The following DHX32 variants were observed in gnomAD, a reference collection of about 807,000 sequenced individuals.
DHX32 encodes the protein DEAH-box helicase 32 (putative), also known as putative pre-mRNA-splicing factor ATP-dependent RNA helicase DHX32.
In DHX32, 51 loss-of-function variants were observed where a neutral mutation model predicts 70.0. The observed-to-expected ratio is 0.73, with a 90% CI of 0.58 to 0.92. DHX32 has a LOEUF of 0.92. Among genes scored for constraint, DHX32 ranks in the 40% least tolerant of loss-of-function variants. The pLI, the probability that DHX32 is intolerant of heterozygous loss-of-function variation, is 0.00. For synonymous variants in DHX32, 310 were observed against 315.3 expected (o/e 0.98, Z 0.18); for missense variants, 762 against 891.8 (o/e 0.85, Z 1.85).
chr10:125,838,081 T>A (rs1854753768), intron 10 of DHX32, 125 bp downstream of exon 10: 3 of 872,396 alleles, frequency 3.4e-6, no homozygotes, highest in Non-Finnish European at 5.1e-6. Flanking sequence ...GTAGGTACTG[T>A]CAACGTAAAT....
intron 1 of DHX32, among the ~76,000 whole-genome samples, chr10:125,895,257 A>C (rs1318442999): frequency 1.3e-5 from 2 of 152,154 alleles, no homozygotes; most frequent in African/African-American, 4.8e-5. Flanking sequence ...CTTGTCATCC[A>C]TGGAGTGGAA....
chr10:125,877,568 T>G (rs533128528), intron 1 of DHX32, among the ~76,000 whole-genome samples: 8 of 152,262 alleles, frequency 5.3e-5, no homozygotes, highest in African/African-American at 1.4e-4. Flanking sequence ...ATGCCTGTAA[T>G]CCCAGCTACT....
At chr10:125,847,413 C>A (rs1049499701) in intron 6 of DHX32, among the ~76,000 whole-genome samples, 1 of 152,196 alleles carries the variant, frequency 6.6e-6, no homozygotes, top group Non-Finnish European at 1.5e-5. Context: ...ATAATGCATT[C>A]TATAACAGAG....
chr10:125,859,505 A>T, intron 3 of DHX32, 98 bp downstream of exon 3: 1 of 1,336,608 alleles, frequency 7.5e-7, no homozygotes, highest in Non-Finnish European at 1.0e-6. Flanking sequence ...CCAAATATTT[A>T]AACAGTTAAT....
chr10:125,896,061 C>A (rs1374100527), intron 1 of DHX32, among the ~76,000 whole-genome samples: 13 of 152,202 alleles, frequency 8.5e-5, no homozygotes, highest in African/African-American at 3.1e-4. Context: ...CCGCCCTCGG[C>A]GTTTCGGAGT....
chr10:125,879,805 C>A (rs1645734933), intron 1 of DHX32, among the ~76,000 whole-genome samples: 2 of 152,156 alleles, frequency 1.3e-5, no homozygotes, highest in Admixed American at 6.5e-5. Flanking sequence ...GCATGCAGCA[C>A]CATGCCCGGC....
At chr10:125,872,352 A>G (rs1051521224) in intron 1 of DHX32, among the ~76,000 whole-genome samples, 17 of 152,218 alleles carry the variant, frequency 1.1e-4, no homozygotes, top group Admixed American at 7.9e-4. Context: ...TATGGGAATT[A>G]GAAAAGCTTA....
At chr10:125,850,354 C>CTTTTT (rs765077777) in intron 6 of DHX32, among the ~76,000 whole-genome samples, 23 of 124,530 alleles carry the variant, frequency 1.8e-4, no homozygotes, top group African/African-American at 3.1e-4. Flanking sequence ...TTCTTTCTTT[C>CTTTTT]TTTTTTTTTT....
upstream of DHX32, among the ~76,000 whole-genome samples, chr10:125,883,120 T>A (rs920989327): frequency 3.9e-5 from 6 of 152,356 alleles, no homozygotes; most frequent in Admixed American, 1.3e-4. Flanking sequence ...TATAAAGCAC[T>A]GACCACTTTG....
In DHX32 at chr10:125,878,579, GTTTT is replaced by G. The variant is rs373374904; in HGVS notation, c.282+1960_282+1963del. ...GAGGCATACATATTAATACACTTCT[GTTTT>G]TCTTCTGTTAATTTGTCTTTTGTTA... On this transcript the variant is annotated intron_variant, in intron 1 of 10. Coordinates refer to ENST00000284690, the MANE Select transcript of DHX32 (RefSeq NM_018180.3). Among the ~76,000 whole-genome samples, 48 of 152,154 alleles carry G rather than the reference GTTTT, an allele frequency of 3.2e-4. No individual in the cohort carries two copies. In the South Asian group the frequency reaches 9.6e-3, roughly 30 times the overall value.
In DHX32 at chr10:125,859,344, C is replaced by A. The variant is rs527332961; in HGVS notation, c.849+259G>T. Among the ~76,000 whole-genome samples the A allele has an allele frequency of 2.5e-4, 38 of 152,326 alleles. No individual in the cohort carries two copies. The East Asian group carries it at 3.5e-3, about 14-fold the overall frequency. ...CAGCTGTGCCTTTGGGGCAGCCACT[C>A]TCTGGCCTGAGCCTGCTGGAGGGAA... is the stretch of plus-strand genomic sequence containing the variant. On this transcript the variant is annotated intron_variant, in intron 3 of 10. Coordinates refer to ENST00000284690, the MANE Select transcript of DHX32 (RefSeq NM_018180.3).
chr10:125,843,505 G>A (rs1020274404), intron 6 of DHX32, among the ~76,000 whole-genome samples: 9 of 152,048 alleles, frequency 5.9e-5, no homozygotes, highest in African/African-American at 1.2e-4. Context: ...CCAGCTACTC[G>A]GGAGGTTGAG....
intron 1 of DHX32, among the ~76,000 whole-genome samples, chr10:125,877,215 G>A (rs537042873): frequency 1.3e-5 from 2 of 152,242 alleles, no homozygotes; most frequent in Non-Finnish European, 2.9e-5. Flanking sequence ...CAGAAACTAG[G>A]AAAATTATAC....
At chr10:125,896,183 C>T in intron 1 of DHX32, 1 of 157,414 alleles carries the variant, frequency 6.4e-6, no homozygotes, top group Non-Finnish European at 1.4e-5. Flanking sequence ...TGCGCCGACC[C>T]CCGACCCCTT....
chr10:125,856,587 A>T (rs949315987), intron 3 of DHX32, among the ~76,000 whole-genome samples: 1 of 152,204 alleles, frequency 6.6e-6, no homozygotes, highest in East Asian at 1.9e-4. Flanking sequence ...CCTAAGGCAA[A>T]TGCACTGCCG....
intron 2 of DHX32, among the ~76,000 whole-genome samples, chr10:125,863,308 A>C (rs1029416840): frequency 6.6e-6 from 1 of 152,200 alleles, no homozygotes; most frequent in African/African-American, 2.4e-5. Context: ...AAGTTGTTAC[A>C]TATAGCATCC....
chr10:125,836,904 A>G (rs1854708394), intron 10 of DHX32, 49 bp from the exon 11 acceptor site: 1 of 1,546,838 alleles, frequency 6.5e-7, no homozygotes, highest in East Asian at 2.3e-5. Context: ...GAAGGTGGTG[A>G]GAGACACCAA....
At chr10:125,884,724 G>A (rs1318911073), upstream of DHX32, among the ~76,000 whole-genome samples, 2 of 152,006 alleles carry the variant, frequency 1.3e-5, no homozygotes, top group African/African-American at 4.8e-5. Context: ...GGCATTAAGT[G>A]AAGCAAAAGC....
At chr10:125,891,895 C>G (rs772688128) in intron 1 of DHX32, among the ~76,000 whole-genome samples, 1 of 152,016 alleles carries the variant, frequency 6.6e-6, no homozygotes, top group Non-Finnish European at 1.5e-5. Context: ...GGGCTCTATC[C>G]CTTACCCTCT....
Sources: allele counts gnomAD v4.1 joint callset (sites outside exome capture counted in the v4.1 genomes callset), GRCh38; gene constraint gnomAD v4.1.1; transcripts MANE v1.5; gene names NCBI Gene and HGNC (gene_info 2026-07-23, HGNC 2026-07-21).